PLAC1: variants seen among roughly 807,000 people sequenced by gnomAD.
The protein encoded by PLAC1 is placenta-specific protein 1.
For synonymous variants in PLAC1, 68 were observed against 62.1 expected, an observed-to-expected ratio of 1.09 and a Z score of -0.44; for missense variants, 136 against 163.2, an observed-to-expected ratio of 0.83 and a Z score of 0.91.
At chrX:134,659,735 T>C (rs1010232050), upstream of PLAC1, among the ~76,000 whole-genome samples, 3 of 112,392 alleles carry the variant, frequency 2.7e-5, no homozygotes, top group African/African-American at 9.7e-5. Flanking sequence ...GCAAAAGTAA[T>C]TGCGGTTTTT....
chrX:134,600,562 T>C lies in PLAC1; in HGVS notation c.-59+1489A>G, dbSNP rs144753869. ...AACCATCCACATGTCATCTGAAGAG[T>C]TGACACTGAGTTCAAGAGTTTGAGG... On this transcript the variant is annotated intron_variant, in intron 2 of 2. Transcript: ENST00000359237. Among the ~76,000 whole-genome samples, 9 of 110,533 alleles carry C rather than the reference T, an allele frequency of 8.1e-5. No homozygotes were observed. In the East Asian group the frequency reaches 8.5e-4, roughly 10 times the overall value.
intron 2 of PLAC1, among the ~76,000 whole-genome samples, chrX:134,717,062 A>C (rs1602933341): frequency 8.9e-6 from 1 of 111,749 alleles, no homozygotes; most frequent in Non-Finnish European, 1.9e-5. Flanking sequence ...GGGAGTGCTG[A>C]TCTGAGGATT....
chrX:134,659,553 T>G (rs908110521), upstream of PLAC1, among the ~76,000 whole-genome samples: 1 of 111,251 alleles, frequency 9.0e-6, no homozygotes, highest in South Asian at 3.8e-4. Flanking sequence ...AAAAACACAG[T>G]TCAGAAGTGT....
chrX:134,710,830 T>C (rs1251385172), intron 2 of PLAC1, among the ~76,000 whole-genome samples: 1 of 111,325 alleles, frequency 9.0e-6, no homozygotes, highest in Non-Finnish European at 1.9e-5. Context: ...TTAAAAAGAA[T>C]GGAAGACACA....
intron 2 of PLAC1, among the ~76,000 whole-genome samples, chrX:134,685,444 C>T (rs1050574810): frequency 1.2e-4 from 11 of 92,635 alleles, no homozygotes; most frequent in Non-Finnish European, 2.3e-4. Flanking sequence ...GACAAAATGG[C>T]GTCCCTTTTT....
chrX:134,758,318 A>G (rs2078761884), intron 1 of PLAC1, among the ~76,000 whole-genome samples: 1 of 111,984 alleles, frequency 8.9e-6, no homozygotes, highest in South Asian at 3.7e-4. Flanking sequence ...ATTCATACAG[A>G]ACAAAAAAAG....
chrX:134,609,662 A>T (rs2078142824), intron 1 of PLAC1, among the ~76,000 whole-genome samples: 1 of 111,898 alleles, frequency 8.9e-6, no homozygotes, highest in Admixed American at 9.5e-5. Flanking sequence ...GGAAAGTCCA[A>T]GATCAAGGTG....
At chrX:134,725,457 CT>C (rs2078671159) in intron 2 of PLAC1, among the ~76,000 whole-genome samples, 2 of 111,840 alleles carry the variant, frequency 1.8e-5, no homozygotes, top group Admixed American at 1.9e-4. Context: ...TAAAACACAG[CT>C]GACTGGGGCC....
intron 2 of PLAC1, among the ~76,000 whole-genome samples, chrX:134,706,216 A>G (rs1457701363): frequency 8.9e-6 from 1 of 112,948 alleles, no homozygotes; most frequent in Non-Finnish European, 1.9e-5. Flanking sequence ...ACTCCTATTC[A>G]TGCCAGCAAA....
chrX:134,753,014 C>T (rs1025419341), intron 1 of PLAC1, among the ~76,000 whole-genome samples: 2 of 111,576 alleles, frequency 1.8e-5, no homozygotes, highest in Admixed American at 1.9e-4. Context: ...ATCCGCCTTT[C>T]TTGCACTTAA....
chrX:134,611,522 C>T (rs1420949423), intron 1 of PLAC1, among the ~76,000 whole-genome samples: 1 of 104,738 alleles, frequency 9.5e-6, no homozygotes, highest in African/African-American at 3.5e-5. Flanking sequence ...CACACACATA[C>T]ATATACATAT....
intron 2 of PLAC1, among the ~76,000 whole-genome samples, chrX:134,718,006 A>G (rs751378467): frequency 1.8e-5 from 2 of 112,452 alleles, no homozygotes; most frequent in Admixed American, 9.4e-5. Context: ...CCTGATGGCC[A>G]AGAAGACTTA....
At chrX:134,699,003 A>C (rs1279231475) in intron 2 of PLAC1, among the ~76,000 whole-genome samples, 3 of 111,115 alleles carry the variant, frequency 2.7e-5, no homozygotes, top group African/African-American at 9.8e-5. Context: ...TGAATCTATC[A>C]AGTCTTTTCA....
intron 1 of PLAC1, among the ~76,000 whole-genome samples, chrX:134,739,692 A>G (rs5978038): frequency 0.034 from 3,875 of 112,812 alleles, 157 homozygotes; most frequent in African/African-American, 0.12. Context: ...CCCCTTTCGA[A>G]AGGTCTGGGC....
chrX:134,619,925 C>T (rs1320566771), intron 1 of PLAC1, among the ~76,000 whole-genome samples: 1 of 111,996 alleles, frequency 8.9e-6, no homozygotes, highest in Non-Finnish European at 1.9e-5. Flanking sequence ...AAGCTGGAAA[C>T]TATAGGTACA....
intron 1 of PLAC1, among the ~76,000 whole-genome samples, chrX:134,639,889 T>A (rs1342250382): frequency 8.9e-6 from 1 of 112,442 alleles, no homozygotes; most frequent in Non-Finnish European, 1.9e-5. Context: ...CACATTGTAA[T>A]CCATATCAGT....
chrX:134,731,369 T>G (rs143002157), intron 2 of PLAC1, among the ~76,000 whole-genome samples: 2,592 of 112,610 alleles, frequency 0.023, 67 homozygotes, highest in African/African-American at 0.077. Flanking sequence ...TGAAGGTGAA[T>G]AAATGAGCAA....
chrX:134,715,476 G>C (rs2078640795), intron 2 of PLAC1, among the ~76,000 whole-genome samples: 1 of 102,017 alleles, frequency 9.8e-6, no homozygotes, highest in Non-Finnish European at 2.0e-5. Flanking sequence ...ACTGAGTTCT[G>C]AAACCGTTCT....
At chrX:134,637,930 T>C (rs1042480551) in intron 1 of PLAC1, among the ~76,000 whole-genome samples, 1 of 112,208 alleles carries the variant, frequency 8.9e-6, no homozygotes, top group Non-Finnish European at 1.9e-5. Flanking sequence ...CTGTATTTCC[T>C]GGAACACAGC....
Sources: allele counts gnomAD v4.1 joint callset (sites outside exome capture counted in the v4.1 genomes callset), GRCh38; gene constraint gnomAD v4.1.1; transcripts MANE v1.5; gene names NCBI Gene and HGNC (gene_info 2026-07-23, HGNC 2026-07-21).